The following COL1A2 variants were observed in gnomAD, a reference collection of about 807,000 sequenced individuals.
COL1A2 encodes the protein collagen type I alpha 2 chain.
Under a neutral mutation model 174.3 loss-of-function variants are expected in COL1A2, and 49 were observed. That is an observed-to-expected ratio of 0.28 (90% CI 0.22 to 0.36). The LOEUF is 0.36. Among genes scored for constraint, COL1A2 ranks in the 10% least tolerant of loss-of-function variants. COL1A2 has a pLI of 1.00. For synonymous variants in COL1A2, 655 were observed against 606.6 expected (o/e 1.08, Z -1.17); for missense variants, 1,438 against 1,822.7 (o/e 0.79, Z 3.84).
chr7:94,406,358 A>T, intron 12 of COL1A2, 55 bp downstream of exon 12: 1 of 1,544,972 alleles, frequency 6.5e-7, no homozygotes, highest in Non-Finnish European at 8.9e-7. Flanking sequence ...ATTCCCCATG[A>T]CCTCCAAAAA....
intron 40 of COL1A2, 93 bp from the exon 41 acceptor site, chr7:94,424,243 A>G: frequency 9.4e-7 from 1 of 1,065,186 alleles, no homozygotes; most frequent in Non-Finnish European, 1.5e-6. Flanking sequence ...CCTTTTTCTA[A>G]GCTGAAGACA....
At chr7:94,398,647 A>T (rs1383699739) in intron 3 of COL1A2, among the ~76,000 whole-genome samples, 1 of 151,950 alleles carries the variant, frequency 6.6e-6, no homozygotes, top group African/African-American at 2.4e-5. Context: ...AAAAAAAAAG[A>T]CTTGTTTTTA....
chr7:94,412,831 T>G (rs1791956763), intron 25 of COL1A2, 149 bp downstream of exon 25: 2 of 796,090 alleles, frequency 2.5e-6, no homozygotes, highest in African/African-American at 1.7e-5. Flanking sequence ...CATTAAAAGT[T>G]TACCTCTAGT....
intron 12 of COL1A2, among the ~76,000 whole-genome samples, chr7:94,406,620 A>T (rs1791804367): frequency 6.6e-6 from 1 of 152,204 alleles, no homozygotes; most frequent in Admixed American, 6.5e-5. Context: ...AAATAAACAT[A>T]TAATCAGAGA....
At chr7:94,401,748 CT>C (rs1791694990) in intron 6 of COL1A2, 128 bp downstream of exon 6, 2 of 496,166 alleles carry the variant, frequency 4.0e-6, no homozygotes, top group African/African-American at 2.0e-5. Flanking sequence ...ATAAAAACAA[CT>C]CTTTTTGTTT....
At chr7:94,412,472 A>G (rs1178132510) in intron 24 of COL1A2, 112 bp from the exon 25 acceptor site, 1 of 821,650 alleles carries the variant, frequency 1.2e-6, no homozygotes, top group Non-Finnish European at 2.0e-6. Context: ...GCTTTATACA[A>G]GAAGCTCTAT....
At position 94,429,528 on chromosome 7, in the gene COL1A2, AG is replaced by A. The variant is rs1003370052; in HGVS notation, c.3954+99del. 1.5e-5 allele frequency: 20 copies of A among 1,291,944 alleles called. No homozygotes were observed. In the African/African-American group the frequency reaches 2.6e-4, roughly 17 times the overall value. 80.0% of individuals were successfully genotyped at this position (1,291,944 alleles called of 1,614,324 possible). On this transcript the variant is annotated intron_variant, in intron 51 of 51. Transcript: ENST00000297268. ...AGGGGGGGTCTAAAGGGGGGTTAAA[AG>A]AACAGAAGAATGAGAGAACTAACTT...
chr7:94,424,608 C>T (rs1023898938), intron 41 of COL1A2, 165 bp downstream of exon 41: 1 of 637,822 alleles, frequency 1.6e-6, no homozygotes, highest in Non-Finnish European at 2.8e-6. Flanking sequence ...GCTTTAATAC[C>T]ACCTTACTTA....
At chr7:94,417,111 G>A (rs748080614) in intron 31 of COL1A2, among the ~76,000 whole-genome samples, 4 of 152,090 alleles carry the variant, frequency 2.6e-5, no homozygotes, top group Admixed American at 2.6e-4. Flanking sequence ...AACATTAGTT[G>A]CAAAAAGCTA....
intron 25 of COL1A2, 130 bp downstream of exon 25, chr7:94,412,812 C>G: frequency 1.2e-6 from 1 of 829,220 alleles, no homozygotes; most frequent in South Asian, 1.5e-5. Context: ...AACTGCAGGC[C>G]ACTTATCACA....
At chr7:94,425,416 C>A in intron 42 of COL1A2, 192 bp downstream of exon 42, 1 of 817,406 alleles carries the variant, frequency 1.2e-6, no homozygotes, top group Non-Finnish European at 2.0e-6. Context: ...TAGCACACTG[C>A]AAAACTGGGC....
intron 1 of COL1A2, 173 bp downstream of exon 1, chr7:94,395,274 A>C: frequency 1.3e-6 from 1 of 751,992 alleles, no homozygotes; most frequent in South Asian, 1.4e-5. Context: ...TACTTTAAAA[A>C]ATGAAAACAT....
At chr7:94,426,376 A>AT (rs1562907412) in intron 45 of COL1A2, 47 bp from the exon 46 acceptor site, 35 of 1,517,378 alleles carry the variant, frequency 2.3e-5, no homozygotes, top group Non-Finnish European at 3.1e-5. Context: ...AGTGAGTGCC[A>AT]TTTTTTTAAA....
intron 31 of COL1A2, chr7:94,417,472 A>C (rs558910077): frequency 2.0e-6 from 1 of 495,634 alleles, no homozygotes; most frequent in South Asian, 2.0e-5. Context: ...GCCATCCTTA[A>C]GAGGACTGAA....
In COL1A2 at chr7:94,422,843, G is replaced by T. The variant is rs146436279; in HGVS notation, c.2404-114G>T. 6 of 1,256,644 alleles carry T rather than the reference G, an allele frequency of 4.8e-6. No individual in the cohort carries two copies. In the East Asian group the frequency reaches 9.3e-5, roughly 19 times the overall value. 77.8% of individuals were successfully genotyped at this position (1,256,644 alleles called of 1,614,324 possible). A position where few individuals can be genotyped will look rare whatever the true frequency, so the allele number is the denominator to read the frequency against. ...TAAATATTTCCCCCAAATGGCCAGG[G>T]TATTATTTTATTGCATCACATTGTT... On this transcript the variant is annotated intron_variant, in intron 39 of 51. Transcript: ENST00000297268.
chr7:94,403,655 A>G (rs1285007662), intron 6 of COL1A2, among the ~76,000 whole-genome samples: 2 of 152,184 alleles, frequency 1.3e-5, no homozygotes, highest in Non-Finnish European at 2.9e-5. Context: ...AATCCATGTT[A>G]TTTCACTCTA....
In COL1A2 at chr7:94,417,786, A is replaced by G. The variant is rs1002670119; in HGVS notation, c.1926A>G (p.Pro642=). The change falls in exon 32 of 52, where the codon CCA becomes CCG. Residue 642 remains proline, a synonymous_variant. Transcript: ENST00000297268. ...TAGPSGPSGL[P]GERGAAGIPG... is the part of the protein sequence containing the mutation. ...GTCCATCTGGTCCTAGTGGACTCCC[A>G]GGAGAGAGGGGTGCTGCTGGCATAC... 2.5e-6 allele frequency: 4 copies of G among 1,604,990 alleles called. No individual in the cohort carries two copies. Among genetic ancestry groups the G allele is most frequent in the African/African-American group, 1.3e-5 (1 of 74,848 alleles).
At chr7:94,410,130 A>G in intron 19 of COL1A2, 112 bp from the exon 20 acceptor site, 1 of 1,077,300 alleles carries the variant, frequency 9.3e-7, no homozygotes, top group Non-Finnish European at 1.4e-6. Context: ...TACATTTCCT[A>G]GAGAACTTGA....
intron 11 of COL1A2, 84 bp downstream of exon 11, chr7:94,405,810 A>C: frequency 9.4e-7 from 1 of 1,064,830 alleles, no homozygotes; most frequent in Non-Finnish European, 1.5e-6. Flanking sequence ...CTTGGGTGAC[A>C]TATACTCACT....
Sources: gnomAD v4.1 joint callset for allele counts (sites outside exome capture counted in the v4.1 genomes callset) on GRCh38, gnomAD v4.1.1 for gene constraint, MANE v1.5 for transcripts, NCBI Gene and HGNC (gene_info 2026-07-23, HGNC 2026-07-21) for gene names.